Variants in PLXNB1 observed in about 807,000 individuals in gnomAD.
The protein encoded by PLXNB1 is plexin B1, also known as plexin-B1.
Under a neutral mutation model 209.4 loss-of-function variants are expected in PLXNB1, and 106 were observed. The ratio of observed to expected loss-of-function variants is 0.51; its 90% CI spans 0.43 to 0.59. The LOEUF is 0.59. Among genes scored for constraint, PLXNB1 ranks in the 20% least tolerant of loss-of-function variants. The probability of loss-of-function intolerance (pLI) is 0.00; values close to 1 mark genes in which losing one functional copy is unlikely to be tolerated. For missense variants in PLXNB1, 2,357 were observed against 2,853.2 expected, an observed-to-expected ratio of 0.83 and a Z score of 3.96; for synonymous variants, 1,167 against 1,183.2, an observed-to-expected ratio of 0.99 and a Z score of 0.28.
At position 48,418,964 on chromosome 3, in the gene PLXNB1, C is replaced by G; in HGVS notation, c.2908G>C (p.Glu970Gln). The G allele has an allele frequency of 6.2e-7, 1 of 1,614,038 alleles. No homozygotes were observed. The highest frequency in any genetic ancestry group is 8.5e-7 in the Non-Finnish European group (1 of 1,179,998). ...EVVVEARVEC[E>Q]PPPDTQCHVT... ...TGGCACTGGGTATCTGGAGGTGGCT[C>G]ACACTCGACCCGGGCCTCAACCACC... Residue 970 changes from glutamate to glutamine, a missense_variant, in exon 13 of 38, where the codon GAG (glutamate) becomes CAG (glutamine). Glu to Gln is a conservative substitution (Grantham distance 29). Coordinates refer to ENST00000296440, the MANE Select transcript of PLXNB1 (RefSeq NM_001130082.3). The surrounding 1 kb of genome is among the most constrained non-coding windows in gnomAD (Gnocchi z 6.6).
chr3:48,416,431 G>A lies in PLXNB1; in HGVS notation c.3395C>T (p.Ala1132Val). 1 of 1,612,874 alleles carries A rather than the reference G, an allele frequency of 6.2e-7. No individual in the cohort carries two copies. Among genetic ancestry groups the A allele is most frequent in the Non-Finnish European group, 8.5e-7 (1 of 1,179,742 alleles). ...VSSSLVCITG[A>V]SGEEVAGATA... ...GGCGCCGGCCACCTCCTCCCCACTGGCCCCGGTGATGCACACGAGGCTGTA... is the reference window on the plus strand; with the variant it reads ...GGCGCCGGCCACCTCCTCCCCACTGACCCCGGTGATGCACACGAGGCTGTA... Residue 1132 changes from alanine to valine, a missense_variant, in exon 17 of 38, where the codon GCC becomes GTC. Ala to Val is a moderately conservative substitution (Grantham distance 64, BLOSUM62 0). Transcript: ENST00000296440. The surrounding 1 kb of genome is among the most constrained non-coding windows in gnomAD (Gnocchi z 4.1).
chr3:48,423,410 C>T (rs1432469911), intron 3 of PLXNB1, 95 bp downstream of exon 3: 1 of 1,358,660 alleles, frequency 7.4e-7, no homozygotes, highest in African/African-American at 1.4e-5. Flanking sequence ...GTGCTACCAC[C>T]AGCTGCCCTC....
In PLXNB1 at chr3:48,419,816, G is replaced by C; in HGVS notation, c.2470C>G (p.Pro824Ala). The C allele has an allele frequency of 6.3e-7, 1 of 1,587,894 alleles. No individual in the cohort carries two copies. The highest frequency in any genetic ancestry group is 8.6e-7 in the Non-Finnish European group (1 of 1,165,864). ...ATGGCCCCTGGGAAAGTGGTGGCAG[G>C]AACAGTGGCAGGGGGCAGGTCCAGG... ...VPLDLPPATV[P>A]ATTFPGAMGS... The change falls in exon 11 of 38, where the codon CCT becomes GCT. Residue 824 changes from proline (P) to alanine (A), a missense_variant. This residue lies in a region of PLXNB1 where 410 missense variants were observed against 401.0 expected (regional missense o/e 1.02). Coordinates refer to ENST00000296440, the MANE Select transcript of PLXNB1 (RefSeq NM_001130082.3). The surrounding 1 kb of genome is among the most constrained non-coding windows in gnomAD (Gnocchi z 5.7).
rs765346004 is a variant in PLXNB1, at chr3:48,424,157, G to A, written c.455C>T (p.Thr152Met). Residue 152 changes from threonine to methionine, a missense_variant, in exon 3 of 38, where the codon ACG becomes ATG. This residue lies in a region of PLXNB1 where 404 missense variants were observed against 443.6 expected (regional missense o/e 0.91). Transcript: ENST00000296440. ...CAAGCCCTGGGCTACCAGCCCCACC[G>A]TGCTGACCGCAGGATCATTGGCAGC... is the stretch of plus-strand genomic sequence containing the variant. ...YVAANDPAVS[T>M]VGLVAQGLAG... 13 of 1,574,760 alleles carry A rather than the reference G, an allele frequency of 8.3e-6. No individual in the cohort carries two copies. The highest frequency in any genetic ancestry group is 5.8e-5 in the South Asian group (5 of 85,842).
chr3:48,426,190 G>A (rs1204629300), intron 1 of PLXNB1, among the ~76,000 whole-genome samples: 5 of 152,194 alleles, frequency 3.3e-5, no homozygotes. Flanking sequence ...CTGGAGGAAG[G>A]TGCCATGCCT....
At chr3:48,425,805 AACACACAC>A (rs1166591503) in intron 1 of PLXNB1, among the ~76,000 whole-genome samples, 18 of 145,476 alleles carry the variant, frequency 1.2e-4, no homozygotes, top group African/African-American at 3.3e-4. Context: ...ATATGCCTAC[AACACACAC>A]ACACACACAC....
chr3:48,410,741 A>G lies in PLXNB1; in HGVS notation c.5416+127T>C. On this transcript the variant is annotated intron_variant, in intron 29 of 37. Coordinates refer to ENST00000296440, the MANE Select transcript of PLXNB1 (RefSeq NM_001130082.3). The surrounding 1 kb of genome is among the most constrained non-coding windows in gnomAD (Gnocchi z 6.4). ...AGGCTGTCCAAGAAAGATGTTCCAA[A>G]GCCAGCTTCTGCCTGCCTCCCAGCA... 1 of 1,059,212 alleles carries G rather than the reference A, an allele frequency of 9.4e-7. No homozygotes were observed. The highest frequency in any genetic ancestry group is 2.6e-5 in the East Asian group (1 of 38,524). 65.6% of individuals were successfully genotyped at this position (1,059,212 alleles called of 1,614,324 possible). A position where few individuals can be genotyped will look rare whatever the true frequency, so the allele number is the denominator to read the frequency against.
chr3:48,416,470 C>T lies in PLXNB1; in HGVS notation c.3375-19G>A, dbSNP rs778761523. On this transcript the variant is annotated intron_variant, in intron 16 of 37. Coordinates refer to ENST00000296440, the MANE Select transcript of PLXNB1 (RefSeq NM_001130082.3). This position sits in a 1 kb window ranked among gnomAD's most constrained non-coding sequence, Gnocchi z 4.1. Reference sequence around the variant, plus strand: ...CACGAGGCTGTAGGCACAGGGCAGGCTAGGGGGTGCCAGGCTGCATCAAGG... The same window carrying T: ...CACGAGGCTGTAGGCACAGGGCAGGTTAGGGGGTGCCAGGCTGCATCAAGG... 84 of 1,571,564 alleles carry T rather than the reference C, an allele frequency of 5.3e-5. No homozygotes were observed. The South Asian group carries it at 9.1e-4, about 17-fold the overall frequency.
upstream of PLXNB1, among the ~76,000 whole-genome samples, chr3:48,430,235 T>C (rs1194170493): frequency 6.6e-6 from 1 of 152,028 alleles, no homozygotes; most frequent in Non-Finnish European, 1.5e-5. Flanking sequence ...TAAGTGGGGG[T>C]GATCCCACCT....
chr3:48,429,216 C>G lies in PLXNB1; in HGVS notation c.-60+792G>C, dbSNP rs1012067440. On this transcript the variant is annotated intron_variant, in intron 1 of 37. Transcript: ENST00000296440. The surrounding 1 kb of genome is among the most constrained non-coding windows in gnomAD (Gnocchi z 6.4). Reference sequence around the variant, plus strand: ...CCGGCCCGTTCCACCTCGGGAGCCCCGTTCCTCGCCGCCCTGGCCCCGAGC... The same window carrying G: ...CCGGCCCGTTCCACCTCGGGAGCCCGGTTCCTCGCCGCCCTGGCCCCGAGC... The G allele has an allele frequency of 1.3e-5, 2 of 152,148 alleles. No homozygotes were observed. The highest frequency in any genetic ancestry group is 2.9e-5 in the Non-Finnish European group (2 of 68,066). The allele number at this position is 152,148 out of a possible 1,614,324, so 9.4% of individuals were successfully genotyped here.
intron 34 of PLXNB1, among the ~76,000 whole-genome samples, chr3:48,407,639 G>T (rs936083752): frequency 9.2e-5 from 14 of 152,220 alleles, no homozygotes; most frequent in African/African-American, 3.1e-4. Context: ...CCTCATCCTA[G>T]AGCTGCTGGG....
chr3:48,419,110 C>T lies in PLXNB1; in HGVS notation c.2833-71G>A. 6.3e-7 allele frequency: 1 copy of T among 1,593,782 alleles called. No individual in the cohort carries two copies. Among genetic ancestry groups the T allele is most frequent in the Non-Finnish European group, 8.6e-7 (1 of 1,166,274 alleles). Reference sequence around the variant, plus strand: ...CCAGGGAGTCCTGCAGGTCACCCAACAGATCCCCCAGCACAGCTTCTGGGT... The same window carrying T: ...CCAGGGAGTCCTGCAGGTCACCCAATAGATCCCCCAGCACAGCTTCTGGGT... On this transcript the variant is annotated intron_variant, in intron 12 of 37. Coordinates refer to ENST00000296440, the MANE Select transcript of PLXNB1 (RefSeq NM_001130082.3). This position sits in a 1 kb window ranked among gnomAD's most constrained non-coding sequence, Gnocchi z 5.7.
At position 48,411,012 on chromosome 3, in the gene PLXNB1, C is replaced by G; in HGVS notation, c.5272G>C (p.Gly1758Arg). Residue 1758 changes from glycine to arginine, a missense_variant, in exon 29 of 38, where the codon GGG becomes CGG. Transcript: ENST00000296440. The surrounding 1 kb of genome is among the most constrained non-coding windows in gnomAD (Gnocchi z 4.0). Reference protein sequence around the residue: ...PLTLNALLAVGPGAGEAQGVP... With the variant: ...PLTLNALLAVRPGAGEAQGVP... ...CCCTGGGCCTCTCCTGCCCCAGGCC[C>G]CACAGCCAATAGTGCATTCAAGGTC... The G allele has an allele frequency of 6.2e-7, 1 of 1,613,660 alleles. No individual in the cohort carries two copies. Among genetic ancestry groups the G allele is most frequent in the Non-Finnish European group, 8.5e-7 (1 of 1,179,906 alleles).
intron 21 of PLXNB1, among the ~76,000 whole-genome samples, chr3:48,414,323 GCTAC>G (rs1166857314): frequency 1.3e-5 from 2 of 152,144 alleles, no homozygotes; most frequent in African/African-American, 2.4e-5. Context: ...ATCCTGCCCA[GCTAC>G]CTAACAAAGC....
In PLXNB1 at chr3:48,423,749, G is replaced by A. The variant is rs747568586; in HGVS notation, c.863C>T (p.Ala288Val). Residue 288 changes from alanine (A) to valine (V), a missense_variant, in exon 3 of 38, where the codon GCG becomes GTG. Around this residue, in one of 7 missense-constraint regions of PLXNB1, gnomAD observed 404 missense variants for 443.6 expected, o/e 0.91. Coordinates refer to ENST00000296440, the MANE Select transcript of PLXNB1 (RefSeq NM_001130082.3). ...AAAVATSREV[A>V]HGEVLFAAFS... Reference sequence around the variant, plus strand: ...AGCTGCAAAGAGCACCTCCCCATGCGCCACCTCCCTGGACGTGGCCACAGC... The same window carrying A: ...AGCTGCAAAGAGCACCTCCCCATGCACCACCTCCCTGGACGTGGCCACAGC... 2.2e-5 allele frequency: 35 copies of A among 1,613,730 alleles called. No homozygotes were observed. Among genetic ancestry groups the A allele is most frequent in the Admixed American group, 3.3e-5 (2 of 60,006 alleles).
Position 48,405,894 on chromosome 3 carries a change from G to C in PLXNB1, c.6229-96C>G. ...CCCAGGGAAGGGCTGGGGGAGAAGG[G>C]GACCTGAGAGGTAGAGAATGGGATG... On this transcript the variant is annotated intron_variant, in intron 36 of 37. Transcript: ENST00000296440. The surrounding 1 kb of genome is among the most constrained non-coding windows in gnomAD (Gnocchi z 5.0). 1.1e-6 allele frequency: 1 copy of C among 911,990 alleles called. No homozygotes were observed. Among genetic ancestry groups the C allele is most frequent in the Non-Finnish European group, 1.8e-6 (1 of 567,250 alleles). The allele number at this position is 911,990 out of a possible 1,614,324, so 56.5% of individuals were successfully genotyped here. A position where few individuals can be genotyped will look rare whatever the true frequency, so the allele number is the denominator to read the frequency against.
chr3:48,416,115 G>T lies in PLXNB1; in HGVS notation c.3533C>A (p.Thr1178Asn). The T allele has an allele frequency of 6.3e-7, 1 of 1,599,372 alleles. No individual in the cohort carries two copies. Among genetic ancestry groups the T allele is most frequent in the East Asian group, 2.3e-5 (1 of 44,222 alleles). ...FPARGPRAGGTRLTLNGSKLL... is the reference protein window; with the variant it reads ...FPARGPRAGGNRLTLNGSKLL... ...CTTGGAGCCATTCAGGGTGAGACGGGTGCCCCCAGCTCTGGGGCCGCGGGC... is the reference window on the plus strand; with the variant it reads ...CTTGGAGCCATTCAGGGTGAGACGGTTGCCCCCAGCTCTGGGGCCGCGGGC... Residue 1178 changes from threonine to asparagine, a missense_variant, in exon 18 of 38, where the codon ACC becomes AAC. Thr to Asn is a moderately conservative substitution (Grantham distance 65). Coordinates refer to ENST00000296440, the MANE Select transcript of PLXNB1 (RefSeq NM_001130082.3). This position sits in a 1 kb window ranked among gnomAD's most constrained non-coding sequence, Gnocchi z 4.1.
intron 10 of PLXNB1, 108 bp downstream of exon 10, chr3:48,420,557 G>A (rs953090226): frequency 2.3e-6 from 2 of 873,728 alleles, no homozygotes; most frequent in Admixed American, 4.1e-5. Flanking sequence ...CGGCTCTGGT[G>A]CTCAGGACAG....
intron 2 of PLXNB1, among the ~76,000 whole-genome samples, 173 bp from the exon 3 acceptor site, chr3:48,424,790 C>G (rs1464845521): frequency 6.6e-6 from 1 of 152,148 alleles, no homozygotes; most frequent in Non-Finnish European, 1.5e-5. Flanking sequence ...GACCCCAGGA[C>G]CACACACTAG....
Sources: gnomAD v4.1 joint callset for allele counts (sites outside exome capture counted in the v4.1 genomes callset) on GRCh38, gnomAD v4.1.1 for gene constraint, gnomAD v4.1.1 regional missense constraint, Gnocchi (gnomAD v3.1) non-coding constraint, MANE v1.5 for transcripts, NCBI Gene and HGNC (gene_info 2026-07-23, HGNC 2026-07-21) for gene names.